The following MAPRE2 variants were observed in gnomAD, a reference collection of about 807,000 sequenced individuals.
MAPRE2 encodes microtubule-associated protein RP/EB family member 2.
Under a neutral mutation model 43.2 loss-of-function variants are expected in MAPRE2, and 13 were observed. The ratio of observed to expected loss-of-function variants is 0.30; its 90% CI spans 0.20 to 0.48. The LOEUF is 0.48. Ranked by LOEUF, MAPRE2 falls within the 20% of genes least tolerant of loss-of-function variation. MAPRE2 has a pLI of 0.99. For missense variants in MAPRE2, 161 were observed against 400.2 expected (o/e 0.40, Z 5.10); for synonymous variants, 135 against 148.8 (o/e 0.91, Z 0.68).
intron 1 of MAPRE2, among the ~76,000 whole-genome samples, chr18:34,983,996 G>C (rs2097017717): frequency 2.1e-5 from 3 of 146,148 alleles, no homozygotes; most frequent in Admixed American, 1.4e-4. Context: ...TAATGGCAAG[G>C]ATCACTAAAT....
intron 2 of MAPRE2, among the ~76,000 whole-genome samples, chr18:35,025,902 C>T (rs182956390): frequency 3.9e-5 from 6 of 152,194 alleles, no homozygotes; most frequent in Non-Finnish European, 7.4e-5. Context: ...CAGGTTAGGC[C>T]GAAACCAAAT....
chr18:35,075,760 A>C (rs1051654787), intron 2 of MAPRE2, among the ~76,000 whole-genome samples: 1 of 152,142 alleles, frequency 6.6e-6, no homozygotes, highest in South Asian at 2.1e-4. Flanking sequence ...GGGACAAAAA[A>C]AAAAGAGTTG....
intron 2 of MAPRE2, among the ~76,000 whole-genome samples, chr18:35,091,516 C>G (rs932955525): frequency 6.6e-6 from 1 of 152,042 alleles, no homozygotes; most frequent in Admixed American, 6.6e-5. Flanking sequence ...CAGTGCAATT[C>G]CTGCAAAAAA....
chr18:35,139,911 C>T (rs559947627), intron 6 of MAPRE2, among the ~76,000 whole-genome samples: 9 of 152,284 alleles, frequency 5.9e-5, no homozygotes, highest in Admixed American at 6.5e-5. Context: ...AGGGGTGCTG[C>T]TTTTATATTA....
chr18:35,088,503 A>G (rs533345711), intron 2 of MAPRE2, among the ~76,000 whole-genome samples: 57 of 152,352 alleles, frequency 3.7e-4, no homozygotes, highest in Non-Finnish European at 6.2e-4. Flanking sequence ...AACCACTGTG[A>G]TATTCTTAGC....
At chr18:35,086,013 G>A (rs1316810343) in intron 2 of MAPRE2, among the ~76,000 whole-genome samples, 1 of 152,144 alleles carries the variant, frequency 6.6e-6, no homozygotes, top group African/African-American at 2.4e-5. Flanking sequence ...AATTAATTGA[G>A]GTTGTTGTGC....
intron 2 of MAPRE2, among the ~76,000 whole-genome samples, chr18:35,024,149 G>C (rs1202715904): frequency 6.6e-6 from 1 of 152,208 alleles, no homozygotes; most frequent in Non-Finnish European, 1.5e-5. Context: ...CAATGATTTG[G>C]TTTGTAGCAG....
At chr18:35,099,416 A>G (rs1194968837) in intron 3 of MAPRE2, among the ~76,000 whole-genome samples, 1 of 152,140 alleles carries the variant, frequency 6.6e-6, no homozygotes, top group East Asian at 1.9e-4. Flanking sequence ...GGAGTTCCAG[A>G]CCAGCCTGGT....
rs566468065 is a variant in MAPRE2, at chr18:35,108,429, CAT to C, written c.610+6273_610+6274del. On this transcript the variant is annotated intron_variant, in intron 4 of 6. Coordinates refer to ENST00000300249, the MANE Select transcript of MAPRE2 (RefSeq NM_014268.4). The stretch of plus-strand genomic sequence containing the variant: ...CTATTGTAAACAGTGCTGCAGTAAA[CAT>C]ATGTGTGCATGTGTCTTTATAGCAG... Among the ~76,000 whole-genome samples the C allele has an allele frequency of 2.0e-3, 298 of 152,262 alleles. 2 individuals are homozygous for C. Among genetic ancestry groups the C allele is most frequent in the South Asian group, 8.5e-3 (41 of 4,826 alleles).
intron 3 of MAPRE2, among the ~76,000 whole-genome samples, chr18:35,099,795 C>A (rs1210555151): frequency 6.6e-6 from 1 of 152,106 alleles, no homozygotes; most frequent in African/African-American, 2.4e-5. Context: ...ATTCCCTTCT[C>A]TTTATTTTGC....
At chr18:35,118,291 A>G (rs145409726) in intron 4 of MAPRE2, among the ~76,000 whole-genome samples, 6 of 152,260 alleles carry the variant, frequency 3.9e-5, no homozygotes, top group East Asian at 3.9e-4. Flanking sequence ...TTACACTGTA[A>G]TGACCCCTAA....
intron 1 of MAPRE2, among the ~76,000 whole-genome samples, chr18:34,987,372 A>G (rs2150573169): frequency 6.6e-6 from 1 of 152,256 alleles, no homozygotes; most frequent in South Asian, 2.1e-4. Flanking sequence ...TCCATTCCAG[A>G]CTTCCCCAAT....
rs1462737665 is a variant in MAPRE2 at position 35,049,325 on chromosome 18, G to A, written c.122+7664G>A. ...TGAGCTCCTTCCCCCACTCCCTCAC[G>A]CCATCTACTTCCTTTTTATCATTTT... On this transcript the variant is annotated intron_variant, in intron 1 of 6. Transcript: ENST00000300249. Among the ~76,000 whole-genome samples, 9 of 152,188 alleles carry A rather than the reference G, an allele frequency of 5.9e-5. No homozygotes were observed. In the East Asian group the frequency reaches 1.5e-3, roughly 26 times the overall value.
chr18:35,068,357 C>G (rs909530495), intron 1 of MAPRE2, among the ~76,000 whole-genome samples: 4 of 152,116 alleles, frequency 2.6e-5, no homozygotes, highest in African/African-American at 4.8e-5. Flanking sequence ...CTTGGAACAT[C>G]TCGTCATATT....
intron 2 of MAPRE2, among the ~76,000 whole-genome samples, chr18:35,009,371 A>G (rs1223250445): frequency 6.6e-6 from 1 of 152,238 alleles, no homozygotes; most frequent in Non-Finnish European, 1.5e-5. Flanking sequence ...CTCTTAAAGC[A>G]TACTATCTAA....
chr18:35,126,332 A>AT (rs929552793), intron 4 of MAPRE2, among the ~76,000 whole-genome samples: 68 of 152,320 alleles, frequency 4.5e-4, no homozygotes, highest in African/African-American at 1.6e-3. Flanking sequence ...GACACAAGAT[A>AT]TCCTAAGCTT....
At chr18:35,012,540 T>C (rs2097035439) in intron 2 of MAPRE2, among the ~76,000 whole-genome samples, 1 of 152,208 alleles carries the variant, frequency 6.6e-6, no homozygotes, top group African/African-American at 2.4e-5. Context: ...ATCTGGTATA[T>C]ACATACAATG....
At chr18:35,027,536 C>G (rs899969244) in intron 2 of MAPRE2, among the ~76,000 whole-genome samples, 3 of 152,148 alleles carry the variant, frequency 2.0e-5, no homozygotes, top group African/African-American at 7.2e-5. Flanking sequence ...CAGTCAGTCA[C>G]CTTCCAACCA....
At chr18:35,122,319 G>GT (rs1392551589) in intron 4 of MAPRE2, among the ~76,000 whole-genome samples, 4 of 152,080 alleles carry the variant, frequency 2.6e-5, no homozygotes, top group African/African-American at 7.2e-5. Context: ...TAATTATGGG[G>GT]TTTTTTTGTT....
Sources: gnomAD v4.1 joint callset for allele counts (sites outside exome capture counted in the v4.1 genomes callset) on GRCh38, gnomAD v4.1.1 for gene constraint, MANE v1.5 for transcripts, NCBI Gene and HGNC (gene_info 2026-07-23, HGNC 2026-07-21) for gene names.